WDR4: variants seen among roughly 807,000 people sequenced by gnomAD.
WDR4 encodes tRNA (guanine-N(7)-)-methyltransferase non-catalytic subunit WDR4.
WDR4 carries 47 observed loss-of-function variants against 48.6 expected under a neutral mutation model. The observed-to-expected ratio is 0.97, with a 90% CI of 0.77 to 1.23. The LOEUF (loss-of-function observed/expected upper bound fraction) is 1.23, where lower values mean the gene tolerates loss of function less well. Ranked by LOEUF, WDR4 falls within the 50% of genes most tolerant of loss-of-function variation. The pLI is 0.00. For synonymous variants in WDR4, 268 were observed against 230.0 expected, an observed-to-expected ratio of 1.17 and a Z score of -1.49; for missense variants, 606 against 551.6, an observed-to-expected ratio of 1.10 and a Z score of -0.99.
chr21:42,845,729 G>A (rs913745662), downstream of WDR4, among the ~76,000 whole-genome samples: 5 of 152,192 alleles, frequency 3.3e-5, no homozygotes, highest in East Asian at 1.9e-4. Flanking sequence ...CGCTGGGGTC[G>A]GGGTCTGGGA....
upstream of WDR4, among the ~76,000 whole-genome samples, chr21:42,880,524 A>G (rs2058599294): frequency 6.6e-6 from 1 of 152,246 alleles, no homozygotes; most frequent in South Asian, 2.1e-4. Context: ...AAATGAGAAG[A>G]GGAGGAGACA....
chr21:42,850,100 G>A lies in WDR4; in HGVS notation c.1188C>T (p.Pro396=), dbSNP rs530886517. 2.2e-5 allele frequency: 36 copies of A among 1,613,944 alleles called. No homozygotes were observed. The highest frequency in any genetic ancestry group is 2.0e-4 in the Admixed American group (12 of 59,968). ...KQRRRSPPPG[P]DGHAKKMRPG... is the part of the protein sequence containing the mutation. Reference sequence around the variant, plus strand: ...GTCTCATCTTCTTGGCATGCCCGTCGGGCCCAGGCGGGGGACTCCGGCGCC... The same window carrying A: ...GTCTCATCTTCTTGGCATGCCCGTCAGGCCCAGGCGGGGGACTCCGGCGCC... Residue 396 remains proline (P), a synonymous_variant, in exon 11 of 11, where the codon CCC becomes CCT. Coordinates refer to ENST00000398208, the MANE Select transcript of WDR4 (RefSeq NM_018669.6).
At chr21:42,891,483 G>T in the WDR4 span, among the ~76,000 whole-genome samples, 1 of 152,170 alleles carries the variant, frequency 6.6e-6, no homozygotes, top group Middle Eastern at 3.4e-3. Flanking sequence ...TGCCGCATGT[G>T]CCCGCTGGTG....
chr21:42,874,268 C>T (rs1315890738), intron 2 of WDR4, among the ~76,000 whole-genome samples: 2 of 152,222 alleles, frequency 1.3e-5, no homozygotes, highest in Admixed American at 6.5e-5. Context: ...CTTCCCCAGT[C>T]AATACCCTTG....
At chr21:42,889,352 TTAAG>T in the WDR4 span, among the ~76,000 whole-genome samples, 2 of 152,198 alleles carry the variant, frequency 1.3e-5, no homozygotes, top group African/African-American at 2.4e-5. Context: ...AACTTCAAAC[TTAAG>T]TAAGAATAGG....
At chr21:42,888,466 G>T in the WDR4 span, among the ~76,000 whole-genome samples, 10 of 152,238 alleles carry the variant, frequency 6.6e-5, no homozygotes, top group Admixed American at 5.9e-4. Flanking sequence ...GGCTGAAGTA[G>T]GAGAATCACC....
At chr21:42,854,708 C>G in intron 7 of WDR4, 82 bp from the exon 8 acceptor site, 19 of 1,348,380 alleles carry the variant, frequency 1.4e-5, no homozygotes, top group Non-Finnish European at 1.9e-5. Context: ...AGAGCAAGAC[C>G]GAAGGACGCT....
chr21:42,853,927 T>C (rs2057913110), intron 8 of WDR4, among the ~76,000 whole-genome samples, 175 bp from the exon 9 acceptor site: 1 of 152,146 alleles, frequency 6.6e-6, no homozygotes. Context: ...TGGGGTGACG[T>C]ACACTTTTTT....
At chr21:42,864,860 C>T (rs978332767) in intron 3 of WDR4, among the ~76,000 whole-genome samples, 1 of 152,184 alleles carries the variant, frequency 6.6e-6, no homozygotes, top group Non-Finnish European at 1.5e-5. Flanking sequence ...AGCACAGCTT[C>T]CCACACACGC....
At position 42,855,683 on chromosome 21, in the gene WDR4, T is replaced by TG. The variant is rs1432832396; in HGVS notation, c.724dup (p.Gln242ProfsTer88). 2 of 1,548,824 alleles carry TG rather than the reference T, an allele frequency of 1.3e-6. No individual in the cohort carries two copies. The highest frequency in any genetic ancestry group is 1.7e-6 in the Non-Finnish European group (2 of 1,144,620). On this transcript the variant is annotated frameshift_variant and splice_region_variant, in exon 7 of 11. Coordinates refer to ENST00000398208, the MANE Select transcript of WDR4 (RefSeq NM_018669.6). LOFTEE classifies it high-confidence loss of function. Reference sequence around the variant, plus strand: ...CCAGGAGTGAACAGAAGCAGCTACCTGGGGGGCCTGGGGGTCCACCAGCTC... The same window carrying TG: ...CCAGGAGTGAACAGAAGCAGCTACCTGGGGGGGCCTGGGGGTCCACCAGCTC...
At chr21:42,884,188 G>A (rs2058623726), upstream of WDR4, among the ~76,000 whole-genome samples, 2 of 152,202 alleles carry the variant, frequency 1.3e-5, no homozygotes, top group Non-Finnish European at 2.9e-5. Context: ...TTGGTTGATA[G>A]GCAGTTTGGG....
At chr21:42,846,860 A>G (rs2057715103), downstream of WDR4, among the ~76,000 whole-genome samples, 2 of 152,162 alleles carry the variant, frequency 1.3e-5, no homozygotes, top group African/African-American at 4.8e-5. Flanking sequence ...CATCTCTACT[A>G]AAAATACAAA....
intron 1 of WDR4, among the ~76,000 whole-genome samples, chr21:42,878,667 G>A (rs1392118464): frequency 1.3e-5 from 2 of 152,194 alleles, no homozygotes; most frequent in Non-Finnish European, 2.9e-5. Flanking sequence ...CGAGAGTCCT[G>A]AGTTAGGACT....
chr21:42,882,891 G>A (rs183914716), upstream of WDR4, among the ~76,000 whole-genome samples: 121 of 151,822 alleles, frequency 8.0e-4, 1 homozygote, highest in African/African-American at 2.5e-3. Flanking sequence ...CTGAGGTCAG[G>A]AGTTTGAGAC....
upstream of WDR4, among the ~76,000 whole-genome samples, chr21:42,880,761 T>C (rs2058601273): frequency 6.6e-6 from 1 of 152,144 alleles, no homozygotes; most frequent in Admixed American, 6.5e-5. Context: ...CTCAACCTCC[T>C]TCCTGTCATT....
intron 1 of WDR4, 60 bp from the exon 2 acceptor site, chr21:42,876,827 T>C: frequency 6.5e-7 from 1 of 1,534,800 alleles, no homozygotes; most frequent in Non-Finnish European, 8.8e-7. Context: ...TAACAAATTT[T>C]TTTTTTTTGA....
At chr21:42,879,560 C>A, upstream of WDR4, 3 of 1,579,812 alleles carry the variant, frequency 1.9e-6, no homozygotes, top group South Asian at 3.4e-5. Flanking sequence ...CCGCACCGGT[C>A]GGTGACGCCA....
chr21:42,846,853 C>T (rs146157754), downstream of WDR4, among the ~76,000 whole-genome samples: 278 of 152,274 alleles, frequency 1.8e-3, 1 homozygote, highest in African/African-American at 6.4e-3. Context: ...AAAACCCCAT[C>T]TCTACTAAAA....
In WDR4 at chr21:42,854,631, A is replaced by C. The variant is rs574347863; in HGVS notation, c.727-5T>G. On this transcript the variant is annotated splice_region_variant and splice_polypyrimidine_tract_variant and intron_variant, in intron 7 of 10. Coordinates refer to ENST00000398208, the MANE Select transcript of WDR4 (RefSeq NM_018669.6). The stretch of plus-strand genomic sequence containing the variant: ...AATCCTGGACGCGGCAAACTTCTAA[A>C]AGGAGAAGAAGCCCATTAACTTCAC... 1 of 1,613,240 alleles carries C rather than the reference A, an allele frequency of 6.2e-7. No individual in the cohort carries two copies. Among genetic ancestry groups the C allele is most frequent in the African/African-American group, 1.3e-5 (1 of 75,028 alleles).
Sources: gnomAD v4.1 joint callset for allele counts (sites outside exome capture counted in the v4.1 genomes callset) on GRCh38, gnomAD v4.1.1 for gene constraint, MANE v1.5 for transcripts, NCBI Gene and HGNC (gene_info 2026-07-23, HGNC 2026-07-21) for gene names.